Variants in SYN2 observed in about 807,000 individuals in gnomAD.
The protein encoded by SYN2 is synapsin II.
Under a neutral mutation model 50.9 loss-of-function variants are expected in SYN2, and 19 were observed. That is an observed-to-expected ratio of 0.37 (90% CI 0.26 to 0.55). The LOEUF (loss-of-function observed/expected upper bound fraction) is 0.55. SYN2 is among the 20% of genes least tolerant of loss of function. The probability of loss-of-function intolerance (pLI) is 0.81; values close to 1 mark genes in which losing one functional copy is unlikely to be tolerated. For synonymous variants in SYN2, 255 were observed against 224.9 expected, an observed-to-expected ratio of 1.13 and a Z score of -1.20; for missense variants, 587 against 576.4, an observed-to-expected ratio of 1.02 and a Z score of -0.19.
intron 1 of SYN2, among the ~76,000 whole-genome samples, chr3:12,057,647 T>G (rs1202592279): frequency 1.3e-5 from 2 of 152,198 alleles, no homozygotes; most frequent in Non-Finnish European, 2.9e-5. Context: ...GATTATTGAT[T>G]TCTCAGCATT....
At position 12,068,400 on chromosome 3, in the gene SYN2, CTTCCCTG is replaced by C. The variant is rs540041387; in HGVS notation, c.377+63473_377+63479del. On this transcript the variant is annotated intron_variant, in intron 1 of 12. Transcript: ENST00000621198. Reference sequence around the variant, plus strand: ...TTGGATGTTGATCTGTTCCCACCCTCTTCCCTGAAAGCATTTGGAATTTTCTCTTTGG... The same window carrying C: ...TTGGATGTTGATCTGTTCCCACCCTCAAAGCATTTGGAATTTTCTCTTTGG... Among the ~76,000 whole-genome samples the C allele has an allele frequency of 2.6e-5, 4 of 152,278 alleles. No homozygotes were observed. The South Asian group carries it at 8.3e-4, about 32-fold the overall frequency.
intron 1 of SYN2, among the ~76,000 whole-genome samples, chr3:12,113,851 A>G (rs1039239715): frequency 2.6e-5 from 4 of 152,006 alleles, no homozygotes; most frequent in African/African-American, 7.3e-5. Context: ...TCATCAGTTG[A>G]TGGACATTTT....
intron 10 of SYN2, among the ~76,000 whole-genome samples, chr3:12,179,239 C>T (rs1698165674): frequency 7.5e-6 from 1 of 133,660 alleles, no homozygotes; most frequent in African/African-American, 2.9e-5. Context: ...CCTATACCTG[C>T]AAGACATCTC....
intron 1 of SYN2, among the ~76,000 whole-genome samples, chr3:12,018,071 C>T (rs370819317): frequency 1.3e-5 from 2 of 152,238 alleles, no homozygotes; most frequent in South Asian, 4.1e-4. Flanking sequence ...GAATTAAGGT[C>T]TAAGTAGGTT....
chr3:12,026,767 G>A (rs569322351), intron 1 of SYN2, among the ~76,000 whole-genome samples: 1 of 152,302 alleles, frequency 6.6e-6, no homozygotes, highest in East Asian at 1.9e-4. Context: ...GTACAGTGGT[G>A]GGGACTAATG....
chr3:12,052,187 A>G (rs562888832), intron 1 of SYN2, among the ~76,000 whole-genome samples: 2 of 152,322 alleles, frequency 1.3e-5, no homozygotes, highest in African/African-American at 4.8e-5. Flanking sequence ...TGTATGCTAT[A>G]TATCATTTTA....
At chr3:12,071,425 C>A (rs745673045) in intron 1 of SYN2, 108 of 527,372 alleles carry the variant, frequency 2.0e-4, no homozygotes, top group South Asian at 5.5e-4. Flanking sequence ...ATAAATTGCC[C>A]CTGGCAAATG....
At position 12,158,120 on chromosome 3, in the gene SYN2, G is replaced by T. The variant is rs1419782425; in HGVS notation, c.775-3426G>T. On this transcript the variant is annotated intron_variant, in intron 5 of 12. Transcript: ENST00000621198. ...AACAACAGCACAGCATAGTAGGAGC[G>T]CTAAGACGGTTAGAGATGCTGAGGC... 1.3e-5 allele frequency among the ~76,000 whole-genome samples: 2 copies of T among 152,148 alleles called. 1 individual carries two copies. Among genetic ancestry groups the T allele is most frequent in the South Asian group, 4.1e-4 (2 of 4,828 alleles).
chr3:12,190,908 G>A lies in SYN2; in HGVS notation c.*283G>A. ...GAAGTCATCGTTCGCTGTGAGTTTAGTGGCCTTATTGTGACAGTGCCATCA... is the reference window on the plus strand; with the variant it reads ...GAAGTCATCGTTCGCTGTGAGTTTAATGGCCTTATTGTGACAGTGCCATCA... On this transcript the variant is annotated 3_prime_UTR_variant, in exon 13 of 13. Coordinates refer to ENST00000621198, the MANE Select transcript of SYN2 (RefSeq NM_133625.6). 4.3e-6 allele frequency: 5 copies of A among 1,175,716 alleles called. No individual in the cohort carries two copies. The highest frequency in any genetic ancestry group is 5.3e-6 in the Non-Finnish European group (5 of 950,410). 72.8% of individuals were successfully genotyped at this position (1,175,716 alleles called of 1,614,324 possible).
intron 1 of SYN2, among the ~76,000 whole-genome samples, chr3:12,009,140 A>G (rs1323737276): frequency 6.6e-6 from 1 of 152,208 alleles, no homozygotes; most frequent in Non-Finnish European, 1.5e-5. Context: ...TACTGATTGC[A>G]CAGAATTTGA....
At chr3:12,041,729 C>A (rs902178395) in intron 1 of SYN2, among the ~76,000 whole-genome samples, 2 of 152,176 alleles carry the variant, frequency 1.3e-5, no homozygotes, top group Non-Finnish European at 1.5e-5. Flanking sequence ...ATTCTCCATT[C>A]AGATAACCTC....
intron 12 of SYN2, among the ~76,000 whole-genome samples, chr3:12,188,614 T>C (rs75504137): frequency 1.1e-3 from 1 of 876 alleles, no homozygotes; most frequent in Non-Finnish European, 1.4e-3. Flanking sequence ...CAAAGAAAAA[T>C]TTTTTTTTTT....
rs1218419172 is a variant in SYN2, at chr3:12,145,720, T to C, written c.569T>C (p.Phe190Ser). The C allele has an allele frequency of 6.2e-7, 1 of 1,614,000 alleles. No homozygotes were observed. The highest frequency in any genetic ancestry group is 8.5e-7 in the Non-Finnish European group (1 of 1,179,870). Residue 190 changes from phenylalanine to serine, a missense_variant, in exon 4 of 13, where the codon TTT becomes TCT. By Grantham distance (155) the Phe-to-Ser change is radical (BLOSUM62 -2). Transcript: ENST00000621198. ...TTCGTGCTCATCCGGCAGCATGCAT[T>C]TGGCATGGCGGAGAATGAGGACTTC... ...PDFVLIRQHA[F>S]GMAENEDFRH...
intron 1 of SYN2, among the ~76,000 whole-genome samples, chr3:12,028,773 T>G (rs1694320403): frequency 6.7e-6 from 1 of 148,916 alleles, no homozygotes; most frequent in Non-Finnish European, 1.5e-5. Context: ...ATTCTGGATA[T>G]TAGCCCTTTG....
intron 1 of SYN2, among the ~76,000 whole-genome samples, chr3:12,025,082 C>G: frequency 6.6e-6 from 1 of 152,248 alleles, no homozygotes. Context: ...GGCTTGTAGA[C>G]GGCACCTTCT....
At chr3:12,096,911 G>A (rs1215043448) in intron 1 of SYN2, among the ~76,000 whole-genome samples, 5 of 152,056 alleles carry the variant, frequency 3.3e-5, no homozygotes, top group Admixed American at 2.0e-4. Flanking sequence ...GCACCATCAA[G>A]TATACCAACA....
intron 1 of SYN2, among the ~76,000 whole-genome samples, chr3:12,124,256 A>G (rs1439098788): frequency 1.3e-5 from 2 of 152,186 alleles, no homozygotes; most frequent in Non-Finnish European, 2.9e-5. Context: ...TATAAAAATG[A>G]GGTGAAATTA....
chr3:12,080,962 A>T (rs1695576033), intron 1 of SYN2, among the ~76,000 whole-genome samples: 1 of 152,174 alleles, frequency 6.6e-6, no homozygotes, highest in Non-Finnish European at 1.5e-5. Flanking sequence ...AACAATCTGA[A>T]GGCTGATAGT....
At chr3:12,045,999 A>T (rs1248979918) in intron 1 of SYN2, among the ~76,000 whole-genome samples, 1 of 152,166 alleles carries the variant, frequency 6.6e-6, no homozygotes, top group African/African-American at 2.4e-5. Flanking sequence ...TCTCAAAGGA[A>T]CCCATATTTC....
Sources: allele counts gnomAD v4.1 joint callset (sites outside exome capture counted in the v4.1 genomes callset), GRCh38; gene constraint gnomAD v4.1.1; transcripts MANE v1.5; gene names NCBI Gene and HGNC (gene_info 2026-07-23, HGNC 2026-07-21).